SMYD3: variants seen among roughly 807,000 people sequenced by gnomAD.
SMYD3 encodes SET and MYND domain containing 3, also known as histone-lysine N-methyltransferase SMYD3.
SMYD3 carries 36 observed loss-of-function variants against 57.7 expected under a neutral mutation model. The ratio of observed to expected loss-of-function variants is 0.62; its 90% confidence interval spans 0.48 to 0.82. The LOEUF is 0.82. SMYD3 is among the 40% of genes least tolerant of loss of function. SMYD3 has a pLI of 0.00. For missense variants in SMYD3, 515 were observed against 538.8 expected, an observed-to-expected ratio of 0.96 and a Z score of 0.44; for synonymous variants, 211 against 195.0, an observed-to-expected ratio of 1.08 and a Z score of -0.68.
chr1:246,394,646 T>G (rs2066626897), intron 1 of SMYD3, among the ~76,000 whole-genome samples: 3 of 152,206 alleles, frequency 2.0e-5, no homozygotes, highest in Admixed American at 2.0e-4. Flanking sequence ...ACTCCCAAAC[T>G]TAGCTATGCT....
intron 1 of SMYD3, among the ~76,000 whole-genome samples, chr1:246,472,377 G>A (rs551352535): frequency 6.6e-6 from 1 of 152,206 alleles, no homozygotes; most frequent in Non-Finnish European, 1.5e-5. Flanking sequence ...ATTGTTTTTC[G>A]CTATACCTGC....
chr1:246,042,696 C>G (rs1419695296), intron 5 of SMYD3, among the ~76,000 whole-genome samples: 3 of 152,104 alleles, frequency 2.0e-5, no homozygotes, highest in Non-Finnish European at 2.9e-5. Flanking sequence ...CACTTTGCAC[C>G]CTTTTTGGTA....
intron 5 of SMYD3, among the ~76,000 whole-genome samples, chr1:246,054,434 A>G (rs1386711768): frequency 2.0e-5 from 3 of 152,224 alleles, no homozygotes; most frequent in African/African-American, 7.2e-5. Context: ...TTCCTAAGAG[A>G]AAACGTATGT....
intron 5 of SMYD3, among the ~76,000 whole-genome samples, chr1:246,167,517 T>G (rs547107055): frequency 6.6e-6 from 1 of 151,300 alleles, no homozygotes; most frequent in Non-Finnish European, 1.5e-5. Context: ...TTTTTCTTTT[T>G]TTTTTTTTTT....
At chr1:246,441,196 T>C (rs1437922030) in intron 1 of SMYD3, among the ~76,000 whole-genome samples, 1 of 152,154 alleles carries the variant, frequency 6.6e-6, no homozygotes, top group East Asian at 1.9e-4. Flanking sequence ...TAATGAGTAA[T>C]AGTGGTAGGT....
chr1:245,849,710 C>T (rs2153405), intron 10 of SMYD3, among the ~76,000 whole-genome samples: 62,240 of 151,854 alleles, frequency 0.41, 13,314 homozygotes, highest in East Asian at 0.79. Context: ...TAGAGTGCAA[C>T]GACGTGATCA....
At chr1:245,777,068 G>T (rs1038145899) in intron 10 of SMYD3, among the ~76,000 whole-genome samples, 2 of 152,254 alleles carry the variant, frequency 1.3e-5, no homozygotes, top group African/African-American at 2.4e-5. Flanking sequence ...GCCAGGAAGA[G>T]GATCCCTTAA....
At chr1:246,292,861 A>G (rs2064722199) in intron 5 of SMYD3, among the ~76,000 whole-genome samples, 1 of 152,188 alleles carries the variant, frequency 6.6e-6, no homozygotes, top group Non-Finnish European at 1.5e-5. Context: ...CTGAAAAAAC[A>G]TAAGGAAAGG....
intron 1 of SMYD3, among the ~76,000 whole-genome samples, chr1:246,358,444 T>C (rs531998065): frequency 5.5e-4 from 83 of 152,258 alleles, no homozygotes; most frequent in African/African-American, 1.7e-3. Flanking sequence ...GGACTTAAAC[T>C]ATACCCTAGA....
At chr1:246,454,636 C>G (rs1458609434) in intron 1 of SMYD3, among the ~76,000 whole-genome samples, 1 of 152,148 alleles carries the variant, frequency 6.6e-6, no homozygotes. Flanking sequence ...ACACTAAAGC[C>G]TCAAACGTCA....
intron 5 of SMYD3, among the ~76,000 whole-genome samples, chr1:246,140,744 T>C (rs1352875240): frequency 6.6e-6 from 1 of 152,030 alleles, no homozygotes; most frequent in Admixed American, 6.6e-5. Flanking sequence ...TCCCAAGTAG[T>C]AGGGACTATA....
intron 5 of SMYD3, among the ~76,000 whole-genome samples, chr1:245,976,789 CAGGGAAAGCCATCGTCTCTAGCCT>C (rs1398897767): frequency 4.3e-4 from 3 of 6,936 alleles, no homozygotes; most frequent in African/African-American, 2.1e-3. Flanking sequence ...GTCTCTAGCC[CAGGGAAAGCCATCGTCTCTAGCCT>C]AGGGAAAGCC....
intron 5 of SMYD3, among the ~76,000 whole-genome samples, chr1:246,219,658 G>C (rs1489954021): frequency 1.3e-5 from 2 of 152,144 alleles, no homozygotes; most frequent in East Asian, 3.8e-4. Context: ...AGCTGTTAAC[G>C]CATAAGCCGT....
At chr1:246,280,263 G>A (rs1443417520) in intron 5 of SMYD3, among the ~76,000 whole-genome samples, 1 of 152,110 alleles carries the variant, frequency 6.6e-6, no homozygotes, top group South Asian at 2.1e-4. Context: ...GAAAAAAATA[G>A]GCACAAAGTA....
chr1:246,338,520 T>C (rs75066702), intron 2 of SMYD3, among the ~76,000 whole-genome samples: 4,801 of 152,308 alleles, frequency 0.032, 94 homozygotes, highest in Non-Finnish European at 0.04. Context: ...GCTCATAACA[T>C]TGGCTGTAGT....
At chr1:246,297,291 T>C (rs1026082810) in intron 5 of SMYD3, among the ~76,000 whole-genome samples, 1 of 152,122 alleles carries the variant, frequency 6.6e-6, no homozygotes, top group Non-Finnish European at 1.5e-5. Flanking sequence ...AGGAGTTTCA[T>C]TAAGGAAACA....
chr1:245,753,330 T>C (rs1018482165), intron 11 of SMYD3, among the ~76,000 whole-genome samples: 25 of 151,428 alleles, frequency 1.7e-4, no homozygotes, highest in African/African-American at 4.6e-4. Flanking sequence ...CAAGCAAACA[T>C]ACTTTTCTCT....
At chr1:246,002,277 C>A (rs991443019) in intron 5 of SMYD3, among the ~76,000 whole-genome samples, 2 of 130,040 alleles carry the variant, frequency 1.5e-5, no homozygotes, top group African/African-American at 5.4e-5. Context: ...CTCCGCCTCC[C>A]GGGTTCACGC....
intron 8 of SMYD3, among the ~76,000 whole-genome samples, chr1:245,879,728 C>T (rs1572577142): frequency 6.6e-6 from 1 of 152,180 alleles, no homozygotes; most frequent in South Asian, 2.1e-4. Context: ...TATTCTTACT[C>T]CACTCTGAAG....
Sources: gnomAD v4.1 joint callset for allele counts (sites outside exome capture counted in the v4.1 genomes callset) on GRCh38, gnomAD v4.1.1 for gene constraint, MANE v1.5 for transcripts, NCBI Gene and HGNC (gene_info 2026-07-23, HGNC 2026-07-21) for gene names.